GAS7: variants seen among roughly 807,000 people sequenced by gnomAD.
GAS7 encodes growth arrest specific 7, also known as growth arrest-specific protein 7.
GAS7 carries 28 observed loss-of-function variants against 71.1 expected under a neutral mutation model. That is an observed-to-expected ratio of 0.39 (90% CI 0.29 to 0.54). The LOEUF is 0.54. Among genes scored for constraint, GAS7 ranks in the 20% least tolerant of loss-of-function variants. GAS7 has a pLI of 0.62. For missense variants in GAS7, 436 were observed against 627.8 expected, an observed-to-expected ratio of 0.69 and a Z score of 3.27; for synonymous variants, 258 against 245.8, an observed-to-expected ratio of 1.05 and a Z score of -0.46.
intron 1 of GAS7, among the ~76,000 whole-genome samples, chr17:10,140,063 C>T (rs955194813): frequency 6.6e-6 from 1 of 152,122 alleles, no homozygotes; most frequent in South Asian, 2.1e-4. Context: ...TCACCTTTCC[C>T]GTAGACTTCA....
Position 9,959,265 on chromosome 17 carries a change from G to A in GAS7, c.472-10C>T. On this transcript the variant is annotated splice_polypyrimidine_tract_variant and intron_variant, in intron 4 of 13. Transcript: ENST00000432992. This position sits in a 1 kb window ranked among gnomAD's most constrained non-coding sequence, Gnocchi z 5.0. ...ATGAGGATCCCAGGTTCTGGGGAGA[G>A]AGGCAAGAAACATCGTCAAAGCTGT... is the stretch of plus-strand genomic sequence containing the variant. The A allele has an allele frequency of 6.2e-7, 1 of 1,614,076 alleles. No homozygotes were observed.
Position 10,054,579 on chromosome 17 carries a change from G to A in GAS7, c.184-34682C>T, listed in dbSNP as rs544492064. 1.1e-4 allele frequency among the ~76,000 whole-genome samples: 16 copies of A among 152,228 alleles called. No homozygotes were observed. In the South Asian group the frequency reaches 1.9e-3, roughly 18 times the overall value. Reference sequence around the variant, plus strand: ...GATTCTGTATTTGATTTTGCACACCGGCTACCAGTGTGCAACCCCTGATTG... The same window carrying A: ...GATTCTGTATTTGATTTTGCACACCAGCTACCAGTGTGCAACCCCTGATTG... On this transcript the variant is annotated intron_variant, in intron 1 of 13. Coordinates refer to ENST00000432992, the MANE Select transcript of GAS7 (RefSeq NM_201433.2).
chr17:9,933,918 T>C (rs1055848597), intron 9 of GAS7, among the ~76,000 whole-genome samples: 13 of 152,198 alleles, frequency 8.5e-5, no homozygotes, highest in African/African-American at 2.9e-4. Context: ...TACACTTTAC[T>C]ATTTTCCATG....
At chr17:10,142,561 G>A (rs1395940408) in intron 1 of GAS7, among the ~76,000 whole-genome samples, 4 of 152,014 alleles carry the variant, frequency 2.6e-5, no homozygotes, top group Admixed American at 2.6e-4. Context: ...TAGAGACGGG[G>A]TTTCACCATG....
chr17:10,136,971 A>G (rs1395406902), intron 1 of GAS7, among the ~76,000 whole-genome samples: 1 of 152,088 alleles, frequency 6.6e-6, no homozygotes, highest in Non-Finnish European at 1.5e-5. Context: ...AAAATTAGTC[A>G]GACATGGTGG....
At chr17:9,990,302 A>G (rs1018208323) in intron 2 of GAS7, among the ~76,000 whole-genome samples, 4 of 152,174 alleles carry the variant, frequency 2.6e-5, no homozygotes, top group African/African-American at 7.2e-5. Flanking sequence ...AGCTCGCCCT[A>G]CGGATGCTGG....
At chr17:9,953,946 G>C (rs2069120123) in intron 5 of GAS7, among the ~76,000 whole-genome samples, 1 of 152,204 alleles carries the variant, frequency 6.6e-6, no homozygotes, top group Non-Finnish European at 1.5e-5. Flanking sequence ...GCTCTCAACA[G>C]TTCCGTAAAT....
chr17:10,038,055 TAA>T (rs201343182), intron 1 of GAS7, among the ~76,000 whole-genome samples: 1 of 144,790 alleles, frequency 6.9e-6, no homozygotes, highest in African/African-American at 2.5e-5. Flanking sequence ...GACAGGTTCT[TAA>T]AAAAAAAAAA....
chr17:10,071,757 A>AAATAATAATAATAAT (rs148705126), intron 1 of GAS7, among the ~76,000 whole-genome samples: 1 of 150,654 alleles, frequency 6.6e-6, no homozygotes, highest in African/African-American at 2.4e-5. Context: ...AAACCCCTTC[A>AAATAATAATAATAAT]AATAATAATA....
At chr17:10,167,044 CTTTTTTTTTTTTTT>C (rs1164151104) in intron 1 of GAS7, among the ~76,000 whole-genome samples, 4 of 58,806 alleles carry the variant, frequency 6.8e-5, no homozygotes, top group South Asian at 6.7e-4. Flanking sequence ...TTCCATTTGT[CTTTTTTTTTTTTTT>C]TTTTTTTTTT....
At chr17:10,129,711 G>C (rs2073981267) in intron 1 of GAS7, among the ~76,000 whole-genome samples, 1 of 152,150 alleles carries the variant, frequency 6.6e-6, no homozygotes, top group African/African-American at 2.4e-5. Flanking sequence ...CATTAAGAAA[G>C]TGAAAAGACA....
chr17:10,122,047 AAC>A (rs542851387), intron 1 of GAS7, among the ~76,000 whole-genome samples: 45 of 152,220 alleles, frequency 3.0e-4, no homozygotes, highest in African/African-American at 9.9e-4. Flanking sequence ...TCCACACTCA[AAC>A]GGCACACACC....
intron 1 of GAS7, among the ~76,000 whole-genome samples, chr17:10,180,331 CAAAAA>C (rs34829725): frequency 1.0e-5 from 1 of 96,490 alleles, no homozygotes; most frequent in Admixed American, 1.3e-4. Context: ...AACTCTGCCT[CAAAAA>C]AAAAAAAAAA....
At position 9,973,556 on chromosome 17, in the gene GAS7, T is replaced by C. The variant is rs117168840; in HGVS notation, c.386-3794A>G. Among the ~76,000 whole-genome samples, 194 of 152,308 alleles carry C rather than the reference T, an allele frequency of 1.3e-3. 1 individual carries two copies. In the Middle Eastern group the frequency reaches 0.017, roughly 13 times the overall value. ...GGCATGAGCCACCGTGCTGTACTTATAGTAGAAACTTTTTAAATGCAAGAA... is the reference window on the plus strand; with the variant it reads ...GGCATGAGCCACCGTGCTGTACTTACAGTAGAAACTTTTTAAATGCAAGAA... On this transcript the variant is annotated intron_variant, in intron 3 of 13. Coordinates refer to ENST00000432992, the MANE Select transcript of GAS7 (RefSeq NM_201433.2).
chr17:10,158,663 G>A (rs2074225275), intron 1 of GAS7, among the ~76,000 whole-genome samples: 1 of 152,020 alleles, frequency 6.6e-6, no homozygotes, highest in Admixed American at 6.6e-5. Flanking sequence ...ATAAGAAAAT[G>A]TTAATGGCGG....
chr17:10,057,469 G>A (rs1051960167), intron 1 of GAS7, among the ~76,000 whole-genome samples: 2 of 149,734 alleles, frequency 1.3e-5, no homozygotes, highest in Admixed American at 1.3e-4. Flanking sequence ...GGTGAGGAGC[G>A]TCTCTACCCG....
intron 3 of GAS7, among the ~76,000 whole-genome samples, chr17:9,979,687 G>T (rs1055525414): frequency 6.6e-6 from 1 of 152,074 alleles, no homozygotes; most frequent in African/African-American, 2.4e-5. Context: ...CGAGTCACAC[G>T]TGCTGTCTCT....
chr17:10,135,764 AG>A (rs1218308071), intron 1 of GAS7, among the ~76,000 whole-genome samples: 1 of 152,018 alleles, frequency 6.6e-6, no homozygotes, highest in Admixed American at 6.6e-5. Flanking sequence ...AACTGGGGGG[AG>A]GGGGGTACCC....
intron 1 of GAS7, among the ~76,000 whole-genome samples, chr17:10,120,760 G>A (rs2073897995): frequency 1.3e-5 from 2 of 152,196 alleles, no homozygotes; most frequent in Admixed American, 6.5e-5. Flanking sequence ...AAGATTCTCA[G>A]GAGGGCTGCT....
Sources: allele counts gnomAD v4.1 joint callset (sites outside exome capture counted in the v4.1 genomes callset), GRCh38; gene constraint gnomAD v4.1.1; non-coding constraint Gnocchi (gnomAD v3.1); transcripts MANE v1.5; gene names NCBI Gene and HGNC (gene_info 2026-07-23, HGNC 2026-07-21).